CRB1: variants seen among roughly 807,000 people sequenced by gnomAD.
CRB1 encodes protein crumbs homolog 1.
CRB1 carries 83 observed loss-of-function variants against 120.0 expected under a neutral mutation model. That is an observed-to-expected ratio of 0.69 (90% CI 0.58 to 0.83). The LOEUF is 0.83. Among genes scored for constraint, CRB1 ranks in the 40% least tolerant of loss-of-function variants. CRB1 has a pLI of 0.00. For missense variants in CRB1, 1,699 were observed against 1,687.6 expected, an observed-to-expected ratio of 1.01 and a Z score of -0.12; for synonymous variants, 625 against 612.5, an observed-to-expected ratio of 1.02 and a Z score of -0.30.
chr1:197,449,861 A>G (rs1020053830), intron 11 of CRB1, among the ~76,000 whole-genome samples: 8 of 152,190 alleles, frequency 5.3e-5, no homozygotes, highest in African/African-American at 1.9e-4. Flanking sequence ...AATCATTTTC[A>G]GAAGTTGAGG....
the CRB1 span, among the ~76,000 whole-genome samples, chr1:197,243,622 TATG>T: frequency 2.0e-5 from 3 of 152,140 alleles, no homozygotes; most frequent in African/African-American, 7.2e-5. Context: ...ATAAGTGTGA[TATG>T]GTGGTGGGAA....
rs756212378 is a variant in CRB1 at position 197,317,939 on chromosome 1, AT to A, written c.71-10471del. The stretch of plus-strand genomic sequence containing the variant: ...CTCTGTGACATTGGCCTAGGTAAGG[AT>A]TTTTTTTTTTTGTAAAAAACCTCAA... On this transcript the variant is annotated intron_variant, in intron 1 of 11. Coordinates refer to ENST00000367400, the MANE Select transcript of CRB1 (RefSeq NM_201253.3). Among the ~76,000 whole-genome samples the A allele has an allele frequency of 2.9e-3, 419 of 146,622 alleles. 1 individual carries two copies. Among genetic ancestry groups the A allele is most frequent in the South Asian group, 0.017 (79 of 4,638 alleles).
chr1:197,456,422 T>C (rs1235025576), intron 11 of CRB1, among the ~76,000 whole-genome samples: 2 of 152,092 alleles, frequency 1.3e-5, no homozygotes, highest in African/African-American at 4.8e-5. Flanking sequence ...TTTTTATTCA[T>C]CCTGCCCCAT....
At position 197,477,820 on chromosome 1, in the gene CRB1, G is replaced by T. The variant is rs1455855649; in HGVS notation, c.4162G>T (p.Gly1388Cys). The T allele has an allele frequency of 6.2e-6, 10 of 1,613,884 alleles. No homozygotes were observed. The highest frequency in any genetic ancestry group is 8.5e-6 in the Non-Finnish European group (10 of 1,179,866). The change falls in exon 12 of 12, where the codon GGC (glycine) becomes TGC (cysteine). Residue 1388 changes from glycine (G) to cysteine (C), a missense_variant. Physicochemically the swap from Gly to Cys is radical, Grantham distance 159. Transcript: ENST00000367400. ...CAGCCCCAGCCGTCAGGAGAAGGAG[G>T]GCTCCCGAGTGGAAATGTGGAACTT... ...TYSPSRQEKE[G>C]SRVEMWNLMP...
intron 5 of CRB1, among the ~76,000 whole-genome samples, chr1:197,406,090 T>C (rs2125442949): frequency 6.6e-6 from 1 of 152,254 alleles, no homozygotes; most frequent in African/African-American, 2.4e-5. Context: ...AACAGCTCAT[T>C]GAGAACGGGC....
intron 1 of CRB1, among the ~76,000 whole-genome samples, chr1:197,273,129 C>T (rs1249197877): frequency 6.6e-6 from 1 of 152,044 alleles, no homozygotes; most frequent in Non-Finnish European, 1.5e-5. Flanking sequence ...TTTTGAGGTT[C>T]CTCTTGGCTG....
chr1:197,379,446 CCCGCCACCACG>C (rs1190542711), intron 5 of CRB1, among the ~76,000 whole-genome samples: 3 of 151,450 alleles, frequency 2.0e-5, no homozygotes, highest in Non-Finnish European at 4.4e-5. Context: ...ACTACAGGCT[CCCGCCACCACG>C]CCTGGCAAAT....
chr1:197,388,256 G>T (rs1352031951), intron 5 of CRB1, among the ~76,000 whole-genome samples: 1 of 151,936 alleles, frequency 6.6e-6, no homozygotes, highest in African/African-American at 2.4e-5. Flanking sequence ...AAGTTTCTTA[G>T]GATCAAATAA....
At chr1:197,215,252 A>C in the CRB1 span, among the ~76,000 whole-genome samples, 1 of 151,058 alleles carries the variant, frequency 6.6e-6, no homozygotes, top group African/African-American at 2.4e-5. Flanking sequence ...TCCCCAAGTG[A>C]CATGGGAGGG....
At chr1:197,325,065 T>G (rs957145224) in intron 1 of CRB1, among the ~76,000 whole-genome samples, 3 of 152,216 alleles carry the variant, frequency 2.0e-5, no homozygotes, top group African/African-American at 7.2e-5. Context: ...AGTAAGAATT[T>G]CACAGCAAGG....
At chr1:197,453,883 ATTATTAATATTATTATATTAT>A (rs1666130210) in intron 11 of CRB1, among the ~76,000 whole-genome samples, 2 of 140,366 alleles carry the variant, frequency 1.4e-5, no homozygotes, top group Admixed American at 7.6e-5. Context: ...AATAATATAT[ATTATTAATATTATTATATTAT>A]TAATATATAT....
At chr1:197,399,721 G>T (rs1179379663) in intron 5 of CRB1, among the ~76,000 whole-genome samples, 2 of 152,100 alleles carry the variant, frequency 1.3e-5, no homozygotes, top group African/African-American at 2.4e-5. Flanking sequence ...CTCCAGGGCT[G>T]GGGTCTCCTC....
rs150024293 is a variant in CRB1, at chr1:197,344,583, G to A, written c.848+107G>A. On this transcript the variant is annotated intron_variant, in intron 3 of 11. Coordinates refer to ENST00000367400, the MANE Select transcript of CRB1 (RefSeq NM_201253.3). ...CTCACGTTCTCGGCTTAAAATTTGG[G>A]GTGTAACTTTATACTTTAACTGATG... 930 of 1,067,476 alleles carry A rather than the reference G, an allele frequency of 8.7e-4. 9 individuals carry two copies. The East Asian group carries it at 0.021, about 24-fold the overall frequency. The allele number at this position is 1,067,476 out of a possible 1,614,324, so 66.1% of individuals were successfully genotyped here. A position where few individuals can be genotyped will look rare whatever the true frequency, so the allele number is the denominator to read the frequency against.
chr1:197,235,156 A>G, the CRB1 span, among the ~76,000 whole-genome samples: 1 of 152,040 alleles, frequency 6.6e-6, no homozygotes, highest in Non-Finnish European at 1.5e-5. Flanking sequence ...GAGTGGCCCT[A>G]TTTGCCCTCC....
At chr1:197,393,889 G>A (rs988869060) in intron 5 of CRB1, among the ~76,000 whole-genome samples, 2 of 152,050 alleles carry the variant, frequency 1.3e-5, no homozygotes, top group African/African-American at 2.4e-5. Flanking sequence ...GGAATAAAAG[G>A]TGCTTCTGTT....
intron 11 of CRB1, among the ~76,000 whole-genome samples, chr1:197,454,081 C>A (rs1406447225): frequency 1.3e-5 from 2 of 150,564 alleles, no homozygotes; most frequent in Non-Finnish European, 3.0e-5. Context: ...CTGCCCTGGC[C>A]TCCCAAAGTG....
intron 5 of CRB1, among the ~76,000 whole-genome samples, chr1:197,400,304 CTTTT>C (rs200472313): frequency 1.6e-5 from 2 of 127,076 alleles, no homozygotes; most frequent in East Asian, 2.3e-4. Context: ...AATGTAAGAG[CTTTT>C]TTTTTTTTTT....
intron 5 of CRB1, among the ~76,000 whole-genome samples, chr1:197,418,586 G>A (rs566054912): frequency 7.9e-5 from 12 of 152,254 alleles, no homozygotes; most frequent in Non-Finnish European, 1.3e-4. Context: ...GTGCCTAGAC[G>A]TGTAGATCAT....
At position 197,451,592 on chromosome 1, in the gene CRB1, C is replaced by G. The variant is rs527637893; in HGVS notation, c.4005+9300C>G. Among the ~76,000 whole-genome samples, 226 of 152,294 alleles carry G rather than the reference C, an allele frequency of 1.5e-3. 1 individual carries two copies. The highest frequency in any genetic ancestry group is 0.013 in the South Asian group (63 of 4,822). ...ACTGTCGATTCTGCCCCATTCAGAGCAAGGATGGGCTGGGCCTGGATGTTT... is the reference window on the plus strand; with the variant it reads ...ACTGTCGATTCTGCCCCATTCAGAGGAAGGATGGGCTGGGCCTGGATGTTT... On this transcript the variant is annotated intron_variant, in intron 11 of 11. Transcript: ENST00000367400.
Sources: gnomAD v4.1 joint callset for allele counts (sites outside exome capture counted in the v4.1 genomes callset) on GRCh38, gnomAD v4.1.1 for gene constraint, MANE v1.5 for transcripts, NCBI Gene and HGNC (gene_info 2026-07-23, HGNC 2026-07-21) for gene names.